The following TAB2 variants were observed in gnomAD, a reference collection of about 807,000 sequenced individuals.
TAB2 encodes the protein TGF-beta activated kinase 1 (MAP3K7) binding protein 2.
TAB2 carries 3 observed loss-of-function variants against 65.0 expected under a neutral mutation model. The observed-to-expected ratio is 0.05, with a 90% CI of 0.02 to 0.12. The LOEUF is 0.12. Among genes scored for constraint, TAB2 ranks in the 10% least tolerant of loss-of-function variants. The pLI is 1.00. For synonymous variants in TAB2, 298 were observed against 285.1 expected (o/e 1.05, Z -0.46); for missense variants, 623 against 840.3 (o/e 0.74, Z 3.20).
chr6:149,344,505 A>G (rs1675618700), intron 1 of TAB2, among the ~76,000 whole-genome samples: 1 of 152,224 alleles, frequency 6.6e-6, no homozygotes, highest in South Asian at 2.1e-4. Context: ...TATGGAGATG[A>G]AAGTATTTAA....
intron 6 of TAB2, among the ~76,000 whole-genome samples, chr6:149,404,092 C>G (rs1333980532): frequency 2.6e-5 from 4 of 152,036 alleles, no homozygotes; most frequent in Admixed American, 2.6e-4. Flanking sequence ...AAGACTCCAC[C>G]AAAAACTGTT....
chr6:149,226,205 C>T (rs73781709), intron 1 of TAB2, among the ~76,000 whole-genome samples: 7,541 of 152,162 alleles, frequency 0.05, 284 homozygotes, highest in South Asian at 0.14. Context: ...AGCTCGGGCA[C>T]CTGGATTTGG....
chr6:149,284,711 A>C (rs1259881491), intron 1 of TAB2, among the ~76,000 whole-genome samples: 1 of 151,302 alleles, frequency 6.6e-6, no homozygotes, highest in Admixed American at 6.6e-5. Context: ...TAAACAATCT[A>C]TCCCAACTCA....
chr6:149,386,363 T>TA (rs1357386240), intron 3 of TAB2, among the ~76,000 whole-genome samples: 6 of 152,330 alleles, frequency 3.9e-5, no homozygotes, highest in South Asian at 2.1e-4. Flanking sequence ...TATTCACTGA[T>TA]ATGTGCAGCC....
intron 1 of TAB2, among the ~76,000 whole-genome samples, chr6:149,230,655 G>C (rs1777385059): frequency 6.6e-6 from 1 of 152,176 alleles, no homozygotes; most frequent in African/African-American, 2.4e-5. Flanking sequence ...TTGATAATAA[G>C]CTCATTGACA....
chr6:149,364,373 C>T (rs1780970846), intron 1 of TAB2, among the ~76,000 whole-genome samples: 1 of 152,044 alleles, frequency 6.6e-6, no homozygotes, highest in Non-Finnish European at 1.5e-5. Flanking sequence ...CAGTTTTTCC[C>T]AATGTACCAT....
At chr6:149,302,300 GACTT>G (rs1778984593) in intron 1 of TAB2, among the ~76,000 whole-genome samples, 2 of 152,130 alleles carry the variant, frequency 1.3e-5, no homozygotes, top group South Asian at 2.1e-4. Flanking sequence ...TCTAGACTTA[GACTT>G]ACTTATAAAT....
intron 1 of TAB2, among the ~76,000 whole-genome samples, chr6:149,359,272 A>G (rs962138511): frequency 6.6e-6 from 1 of 152,162 alleles, no homozygotes; most frequent in African/African-American, 2.4e-5. Context: ...ATTCCATAGC[A>G]GTTTTACTTT....
intron 1 of TAB2, among the ~76,000 whole-genome samples, chr6:149,357,429 AAAC>A (rs1225726032): frequency 7.4e-6 from 1 of 135,424 alleles, no homozygotes; most frequent in Non-Finnish European, 1.5e-5. Context: ...GAGAAAAAAA[AAAC>A]ACACACACAC....
At chr6:149,236,597 C>A (rs1410869839) in intron 1 of TAB2, among the ~76,000 whole-genome samples, 1 of 152,106 alleles carries the variant, frequency 6.6e-6, no homozygotes, top group Non-Finnish European at 1.5e-5. Flanking sequence ...TGGGGAAGTT[C>A]TTTTTTATAT....
intron 1 of TAB2, among the ~76,000 whole-genome samples, chr6:149,363,450 A>G (rs1319996022): frequency 6.6e-6 from 1 of 152,200 alleles, no homozygotes; most frequent in Non-Finnish European, 1.5e-5. Flanking sequence ...TGAGCTTCAT[A>G]GCACTTGCTG....
chr6:149,388,946 A>G (rs1339541499), intron 3 of TAB2, among the ~76,000 whole-genome samples: 1 of 148,564 alleles, frequency 6.7e-6, no homozygotes, highest in Non-Finnish European at 1.5e-5. Flanking sequence ...AAAAAGAATA[A>G]CAGAAATCTT....
At chr6:149,285,199 T>C (rs1344395062) in intron 1 of TAB2, among the ~76,000 whole-genome samples, 1 of 152,222 alleles carries the variant, frequency 6.6e-6, no homozygotes, top group Non-Finnish European at 1.5e-5. Flanking sequence ...TCATCTCCAT[T>C]GTGCTCTTCA....
At chr6:149,361,134 C>T (rs1780833894) in intron 1 of TAB2, among the ~76,000 whole-genome samples, 1 of 152,184 alleles carries the variant, frequency 6.6e-6, no homozygotes. Context: ...TCCCCAGCCC[C>T]ACTAGGCAGT....
chr6:149,351,061 C>T (rs1228787018), intron 1 of TAB2, among the ~76,000 whole-genome samples: 1 of 152,050 alleles, frequency 6.6e-6, no homozygotes, highest in Non-Finnish European at 1.5e-5. Context: ...TGACACGATC[C>T]CCAGAATCTG....
intron 6 of TAB2, among the ~76,000 whole-genome samples, chr6:149,406,853 G>A (rs1782681119): frequency 6.6e-6 from 1 of 152,094 alleles, no homozygotes. Flanking sequence ...CAAGTAGATG[G>A]ATTACAGGCA....
chr6:149,308,296 G>A (rs753899253), intron 1 of TAB2, among the ~76,000 whole-genome samples: 34 of 152,024 alleles, frequency 2.2e-4, no homozygotes, highest in African/African-American at 3.6e-4. Flanking sequence ...TGCAGGAAGC[G>A]TACACTGATT....
intron 1 of TAB2, among the ~76,000 whole-genome samples, chr6:149,295,006 T>G (rs1778850016): frequency 6.6e-6 from 1 of 152,252 alleles, no homozygotes; most frequent in African/African-American, 2.4e-5. Context: ...AATTACAGTT[T>G]TATTTCTTCT....
intron 2 of TAB2, among the ~76,000 whole-genome samples, chr6:149,373,024 A>G (rs1781281476): frequency 1.3e-5 from 2 of 152,320 alleles, no homozygotes; most frequent in African/African-American, 4.8e-5. Context: ...CTTGCTTGTC[A>G]GGGAGAGAAC....
Sources: allele counts gnomAD v4.1 joint callset (sites outside exome capture counted in the v4.1 genomes callset), GRCh38; gene constraint gnomAD v4.1.1; transcripts MANE v1.5; gene names NCBI Gene and HGNC (gene_info 2026-07-23, HGNC 2026-07-21).